KCNK1: variants seen among roughly 807,000 people sequenced by gnomAD.
KCNK1 encodes the protein potassium channel subfamily K member 1.
A neutral mutation model predicts 22.2 loss-of-function variants in KCNK1; 10 were observed. The ratio of observed to expected loss-of-function variants is 0.45; its 90% CI spans 0.28 to 0.76. The LOEUF (loss-of-function observed/expected upper bound fraction) is 0.76. Among genes scored for constraint, KCNK1 ranks in the 30% least tolerant of loss-of-function variants. The pLI, the probability that KCNK1 is intolerant of heterozygous loss-of-function variation, is 0.14. For synonymous variants in KCNK1, 200 were observed against 186.4 expected (o/e 1.07, Z -0.60); for missense variants, 378 against 421.0 (o/e 0.90, Z 0.89).
chr1:233,618,506 C>G (rs1657524697), intron 1 of KCNK1, among the ~76,000 whole-genome samples: 1 of 151,942 alleles, frequency 6.6e-6, no homozygotes, highest in African/African-American at 2.4e-5. Context: ...TTCTTAAGAA[C>G]AATTTGTGAT....
At chr1:233,627,995 T>C (rs1657719819) in intron 1 of KCNK1, among the ~76,000 whole-genome samples, 1 of 152,204 alleles carries the variant, frequency 6.6e-6, no homozygotes, top group Non-Finnish European at 1.5e-5. Context: ...CTCAGAACTA[T>C]GTTTTGTGCG....
At chr1:233,637,773 A>G (rs966632565) in intron 1 of KCNK1, among the ~76,000 whole-genome samples, 12 of 152,250 alleles carry the variant, frequency 7.9e-5, no homozygotes, top group African/African-American at 2.4e-4. Context: ...GAGCAAACCC[A>G]ATTCAATCAT....
Position 233,614,337 on chromosome 1 carries a change from C to A in KCNK1, c.166C>A (p.Leu56Met), listed in dbSNP as rs1657443131. The A allele has an allele frequency of 6.2e-7, 1 of 1,611,710 alleles. No individual in the cohort carries two copies. Among genetic ancestry groups the A allele is most frequent in the Non-Finnish European group, 8.5e-7 (1 of 1,179,084 alleles). ...LPYEDLLRQE[L>M]RKLKRRFLEE... ...CTATGAGGACCTGCTGCGCCAGGAG[C>A]TGCGCAAGCTGAAGCGACGCTTCTT... is the stretch of plus-strand genomic sequence containing the variant. Residue 56 changes from leucine (L) to methionine (M), a missense_variant, in exon 1 of 3, where the codon CTG becomes ATG. Coordinates refer to ENST00000366621, the MANE Select transcript of KCNK1 (RefSeq NM_002245.4).
chr1:233,630,004 T>C (rs1571892068), intron 1 of KCNK1: 2 of 152,276 alleles, frequency 1.3e-5, no homozygotes, highest in South Asian at 4.1e-4. Flanking sequence ...CAACCCCAGT[T>C]CTGTGTCTCT....
chr1:233,648,664 T>A (rs568899376), intron 1 of KCNK1, among the ~76,000 whole-genome samples: 34 of 152,126 alleles, frequency 2.2e-4, no homozygotes, highest in African/African-American at 7.5e-4. Flanking sequence ...CCTCCTAGGT[T>A]CAAGCCATTC....
At chr1:233,633,557 T>G (rs1395974127) in intron 1 of KCNK1, among the ~76,000 whole-genome samples, 1 of 152,160 alleles carries the variant, frequency 6.6e-6, no homozygotes, top group Non-Finnish European at 1.5e-5. Context: ...TAGGCCTATC[T>G]CTCTAGAAAA....
intron 1 of KCNK1, among the ~76,000 whole-genome samples, chr1:233,628,410 C>T (rs2102886601): frequency 6.6e-6 from 1 of 152,252 alleles, no homozygotes; most frequent in Admixed American, 6.5e-5. Context: ...GCAACATACC[C>T]AAGTAACACA....
At position 233,666,951 on chromosome 1, in the gene KCNK1, A is replaced by C. The variant is rs560744951; in HGVS notation, c.712A>C (p.Asn238His). The C allele has an allele frequency of 9.9e-6, 16 of 1,613,402 alleles. No individual in the cohort carries two copies. In the East Asian group the frequency reaches 3.3e-4, roughly 34 times the overall value. Residue 238 changes from asparagine (N) to histidine (H), a missense_variant, in exon 2 of 3, where the codon AAT (asparagine) becomes CAT (histidine). Asn to His is a moderately conservative substitution (Grantham distance 68). Transcript: ENST00000366621. ...GGATTATGTGCCTGGGGAAGGCTAC[A>C]ATCAAAAATTCAGAGAGCTCTATAA... The part of the protein sequence containing the change: ...LGDYVPGEGY[N>H]QKFRELYKIG...
At chr1:233,640,370 C>T (rs1361055552) in intron 1 of KCNK1, among the ~76,000 whole-genome samples, 3 of 152,310 alleles carry the variant, frequency 2.0e-5, no homozygotes, top group Non-Finnish European at 2.9e-5. Flanking sequence ...TATTGCTGAA[C>T]TCTAAAGGAC....
intron 2 of KCNK1, among the ~76,000 whole-genome samples, chr1:233,670,789 C>T (rs1658582919): frequency 6.6e-6 from 1 of 152,150 alleles, no homozygotes; most frequent in Non-Finnish European, 1.5e-5. Flanking sequence ...CTATTATAAA[C>T]TCTTATTCTA....
At chr1:233,647,797 A>G (rs974192394) in intron 1 of KCNK1, among the ~76,000 whole-genome samples, 3 of 152,192 alleles carry the variant, frequency 2.0e-5, no homozygotes, top group Non-Finnish European at 4.4e-5. Flanking sequence ...CAGGTTGGTA[A>G]GACCAGGAGG....
chr1:233,662,843 T>A (rs1322369744), intron 1 of KCNK1, among the ~76,000 whole-genome samples: 1 of 152,188 alleles, frequency 6.6e-6, no homozygotes, highest in African/African-American at 2.4e-5. Flanking sequence ...TTATGTTCAA[T>A]CTTTTGGTTC....
At chr1:233,622,242 A>T (rs1349677318) in intron 1 of KCNK1, among the ~76,000 whole-genome samples, 1 of 152,210 alleles carries the variant, frequency 6.6e-6, no homozygotes, top group Non-Finnish European at 1.5e-5. Flanking sequence ...GGTTCAGTTT[A>T]CTACAAGGTT....
At chr1:233,661,726 A>G (rs912461170) in intron 1 of KCNK1, 1 of 152,260 alleles carries the variant, frequency 6.6e-6, no homozygotes, top group Non-Finnish European at 1.5e-5. Flanking sequence ...TGTGCATGGC[A>G]TGGATGGGAA....
chr1:233,632,070 G>A (rs572239102), intron 1 of KCNK1, among the ~76,000 whole-genome samples: 1 of 152,322 alleles, frequency 6.6e-6, no homozygotes, highest in South Asian at 2.1e-4. Context: ...GCGTGCTGCT[G>A]TGCTTACTGG....
chr1:233,635,602 T>TC (rs143526723), intron 1 of KCNK1, among the ~76,000 whole-genome samples: 1 of 152,166 alleles, frequency 6.6e-6, no homozygotes, highest in African/African-American at 2.4e-5. Context: ...AATTTTTTTT[T>TC]GTTAAAAACT....
In KCNK1 at chr1:233,671,254, T is replaced by C. The variant is rs778495840; in HGVS notation, c.752-17T>C. 2 of 1,612,844 alleles carry C rather than the reference T, an allele frequency of 1.2e-6. No individual in the cohort carries two copies. Among genetic ancestry groups the C allele is most frequent in the Admixed American group, 1.7e-5 (1 of 59,992 alleles). On this transcript the variant is annotated splice_polypyrimidine_tract_variant and intron_variant, in intron 2 of 2. Coordinates refer to ENST00000366621, the MANE Select transcript of KCNK1 (RefSeq NM_002245.4). ...ATGTTGAGATCACACTAAGACAGTG[T>C]CCTGTTTCTCACACAGGTTACCTGC...
At chr1:233,618,788 G>A (rs542713847) in intron 1 of KCNK1, among the ~76,000 whole-genome samples, 158 of 152,224 alleles carry the variant, frequency 1.0e-3, no homozygotes, top group African/African-American at 3.7e-3. Flanking sequence ...GGAGGCTGAG[G>A]TGGGAGAATG....
intron 1 of KCNK1, among the ~76,000 whole-genome samples, chr1:233,619,194 C>A (rs538213): frequency 3.3e-5 from 5 of 151,410 alleles, no homozygotes; most frequent in South Asian, 2.1e-4. Flanking sequence ...ATTTTTTTTT[C>A]ATTTTTCTTT....
Sources: gnomAD v4.1 joint callset for allele counts (sites outside exome capture counted in the v4.1 genomes callset) on GRCh38, gnomAD v4.1.1 for gene constraint, MANE v1.5 for transcripts, NCBI Gene and HGNC (gene_info 2026-07-23, HGNC 2026-07-21) for gene names.